NAV3: variants seen among roughly 807,000 people sequenced by gnomAD.
The protein encoded by NAV3 is neuron navigator 3, also known as pore membrane and/or filament interacting like protein 1.
Under a neutral mutation model 244.7 loss-of-function variants are expected in NAV3, and 87 were observed. The observed-to-expected ratio is 0.36, with a 90% confidence interval of 0.30 to 0.42. NAV3 has a LOEUF of 0.42. NAV3 is among the 20% of genes least tolerant of loss of function. The probability of loss-of-function intolerance (pLI) is 1.00; values close to 1 mark genes in which losing one functional copy is unlikely to be tolerated. For synonymous variants in NAV3, 1,126 were observed against 1,042.2 expected, an observed-to-expected ratio of 1.08 and a Z score of -1.55; for missense variants, 2,663 against 2,893.3, an observed-to-expected ratio of 0.92 and a Z score of 1.83.
intron 2 of NAV3, among the ~76,000 whole-genome samples, chr12:77,659,176 C>T (rs375662396): frequency 1.3e-5 from 2 of 151,366 alleles, no homozygotes; most frequent in South Asian, 2.1e-4. Context: ...ACAGGCAACC[C>T]ACAAAATGGG....
chr12:77,981,149 A>G (rs1301227213), intron 5 of NAV3, among the ~76,000 whole-genome samples: 1 of 152,178 alleles, frequency 6.6e-6, no homozygotes, highest in Non-Finnish European at 1.5e-5. Flanking sequence ...GGATTAGGCA[A>G]TAACTGTTTT....
chr12:77,982,267 C>G (rs141823688), intron 5 of NAV3, among the ~76,000 whole-genome samples: 1 of 62,106 alleles, frequency 1.6e-5, no homozygotes, highest in Non-Finnish European at 4.7e-5. Flanking sequence ...ACATTAGAGC[C>G]GTGTGTTCTT....
chr12:77,983,445 A>C (rs1359157533), intron 5 of NAV3, among the ~76,000 whole-genome samples: 4 of 152,174 alleles, frequency 2.6e-5, no homozygotes, highest in Admixed American at 1.3e-4. Context: ...ATAATATGAT[A>C]GTGGAAACAG....
At chr12:77,713,578 G>C (rs1876222218) in intron 2 of NAV3, among the ~76,000 whole-genome samples, 1 of 152,160 alleles carries the variant, frequency 6.6e-6, no homozygotes, top group South Asian at 2.1e-4. Context: ...CTTGTTAAAT[G>C]TTGAGCAGAA....
intron 9 of NAV3, among the ~76,000 whole-genome samples, chr12:78,034,214 C>G (rs978122043): frequency 6.6e-6 from 1 of 152,150 alleles, no homozygotes; most frequent in African/African-American, 2.4e-5. Flanking sequence ...TGGCCACTTC[C>G]CCTTAGATGT....
intron 2 of NAV3, among the ~76,000 whole-genome samples, chr12:77,582,358 C>A (rs1416344510): frequency 1.3e-5 from 2 of 152,234 alleles, no homozygotes; most frequent in Middle Eastern, 3.4e-3. Flanking sequence ...AGCTACTCCC[C>A]AAATGACTTT....
At chr12:77,695,423 A>G (rs1875251272) in intron 2 of NAV3, among the ~76,000 whole-genome samples, 1 of 152,084 alleles carries the variant, frequency 6.6e-6, no homozygotes, top group Non-Finnish European at 1.5e-5. Context: ...TCCCCAGTGT[A>G]TATTCTTGGC....
At chr12:78,093,611 T>C (rs1954078927) in intron 12 of NAV3, among the ~76,000 whole-genome samples, 2 of 152,116 alleles carry the variant, frequency 1.3e-5, no homozygotes, top group African/African-American at 4.8e-5. Context: ...AACCCTCTGT[T>C]TTAGTTTGCC....
At chr12:77,749,454 G>A (rs2135793707) in intron 2 of NAV3, among the ~76,000 whole-genome samples, 1 of 152,154 alleles carries the variant, frequency 6.6e-6, no homozygotes, top group Non-Finnish European at 1.5e-5. Flanking sequence ...ATGATGGATG[G>A]GAAAGGCCAT....
At chr12:78,122,657 A>G (rs1210946506) in intron 16 of NAV3, among the ~76,000 whole-genome samples, 2 of 152,210 alleles carry the variant, frequency 1.3e-5, no homozygotes, top group Non-Finnish European at 2.9e-5. Flanking sequence ...GCATACATTT[A>G]TACCCAGTAG....
At chr12:77,573,940 T>C (rs1868955005) in intron 2 of NAV3, among the ~76,000 whole-genome samples, 1 of 152,128 alleles carries the variant, frequency 6.6e-6, no homozygotes. Context: ...GTTCTTTGTG[T>C]GGAACTGTAA....
At chr12:78,050,553 G>A (rs377551087) in intron 10 of NAV3, among the ~76,000 whole-genome samples, 1 of 152,162 alleles carries the variant, frequency 6.6e-6, no homozygotes, top group African/African-American at 2.4e-5. Context: ...AAGGTGTACT[G>A]ATGGCCTTTC....
chr12:78,091,952 G>A (rs1165422002), intron 12 of NAV3, among the ~76,000 whole-genome samples: 4 of 152,054 alleles, frequency 2.6e-5, no homozygotes. Context: ...AAATTAAAGA[G>A]TTGTCATAAT....
At chr12:78,053,269 T>C (rs1385192898) in intron 11 of NAV3, among the ~76,000 whole-genome samples, 1 of 151,446 alleles carries the variant, frequency 6.6e-6, no homozygotes, top group Non-Finnish European at 1.5e-5. Context: ...TATGTATGTG[T>C]ATGTATGTAT....
intron 2 of NAV3, among the ~76,000 whole-genome samples, chr12:77,672,929 C>T (rs1456186251): frequency 1.3e-5 from 2 of 152,072 alleles, no homozygotes; most frequent in Non-Finnish European, 2.9e-5. Flanking sequence ...AGGAAAATAA[C>T]AACTAAGGGC....
Position 77,968,638 on chromosome 12 carries a change from G to A in NAV3, c.607G>A (p.Val203Ile), listed in dbSNP as rs777555013. Residue 203 changes from valine (V) to isoleucine (I), a missense_variant, in exon 5 of 40, where the codon GTT becomes ATT. Val to Ile is a conservative substitution (Grantham distance 29, BLOSUM62 3). Around this residue, in one of 6 missense-constraint regions of NAV3, gnomAD observed 1,521 missense variants for 1,497.0 expected, o/e 1.02. Transcript: ENST00000397909. The part of the protein sequence containing the change: ...YQSLVELQQR[V>I]THASPPSEAS... Reference sequence around the variant, plus strand: ...GTCCTTGGTGGAACTTCAGCAGCGAGTTACTCACGCTTCCCCTCCATCGGA... The same window carrying A: ...GTCCTTGGTGGAACTTCAGCAGCGAATTACTCACGCTTCCCCTCCATCGGA... 11 of 1,614,020 alleles carry A rather than the reference G, an allele frequency of 6.8e-6. No individual in the cohort carries two copies. The highest frequency in any genetic ancestry group is 9.3e-6 in the Non-Finnish European group (11 of 1,180,026).
intron 21 of NAV3, 130 bp downstream of exon 21, chr12:78,146,522 A>T (rs1956870923): frequency 3.2e-6 from 1 of 308,554 alleles, no homozygotes; most frequent in Non-Finnish European, 6.1e-6. Flanking sequence ...GAAGTAAGGC[A>T]GCTAATTGAT....
intron 39 of NAV3, among the ~76,000 whole-genome samples, chr12:78,205,825 C>A (rs950455255): frequency 8.5e-5 from 13 of 152,110 alleles, no homozygotes; most frequent in Admixed American, 8.5e-4. Flanking sequence ...ACTCACCATT[C>A]TATGAGTATA....
intron 1 of NAV3, among the ~76,000 whole-genome samples, chr12:77,873,111 C>A (rs1881232738): frequency 6.6e-6 from 1 of 152,150 alleles, no homozygotes; most frequent in Non-Finnish European, 1.5e-5. Flanking sequence ...CATTATATTT[C>A]TTTATTTATA....
Sources: gnomAD v4.1 joint callset for allele counts (sites outside exome capture counted in the v4.1 genomes callset) on GRCh38, gnomAD v4.1.1 for gene constraint, gnomAD v4.1.1 regional missense constraint, MANE v1.5 for transcripts, NCBI Gene and HGNC (gene_info 2026-07-23, HGNC 2026-07-21) for gene names.